TENM2: variants seen among roughly 807,000 people sequenced by gnomAD.
The protein encoded by TENM2 is teneurin transmembrane protein 2.
A neutral mutation model predicts 245.2 loss-of-function variants in TENM2; 52 were observed. The ratio of observed to expected loss-of-function variants is 0.21; its 90% CI spans 0.17 to 0.27. The LOEUF is 0.27. Among genes scored for constraint, TENM2 ranks in the 10% least tolerant of loss-of-function variants. The probability of loss-of-function intolerance (pLI) is 1.00; values close to 1 mark genes in which losing one functional copy is unlikely to be tolerated. For missense variants in TENM2, 3,046 were observed against 3,666.8 expected, an observed-to-expected ratio of 0.83 and a Z score of 4.37; for synonymous variants, 1,363 against 1,438.9, an observed-to-expected ratio of 0.95 and a Z score of 1.19.
intron 12 of TENM2, among the ~76,000 whole-genome samples, chr5:168,131,584 A>ACCC (rs1754584865): frequency 6.6e-6 from 1 of 152,214 alleles, no homozygotes; most frequent in South Asian, 2.1e-4. Flanking sequence ...TTGTCATCAG[A>ACCC]AGTAGACAGG....
intron 2 of TENM2, among the ~76,000 whole-genome samples, chr5:167,802,469 C>T (rs1014642895): frequency 6.6e-6 from 1 of 152,128 alleles, no homozygotes; most frequent in Non-Finnish European, 1.5e-5. Context: ...TGCTAAGAGC[C>T]TAGAATGTGA....
chr5:168,217,073 A>G (rs1763259746), intron 22 of TENM2, among the ~76,000 whole-genome samples, 151 bp downstream of exon 24: 1 of 152,182 alleles, frequency 6.6e-6, no homozygotes. Flanking sequence ...GAGATGAGCT[A>G]AACAGTAAGA....
rs1791705127 is a variant in TENM2 at position 168,078,731 on chromosome 5, G to C, written c.1516-11843G>C. Among the ~76,000 whole-genome samples the C allele has an allele frequency of 2.0e-5, 3 of 152,304 alleles. No homozygotes were observed. In the Middle Eastern group the frequency reaches 0.01, roughly 518 times the overall value. On this transcript the variant is annotated intron_variant, in intron 7 of 28. Coordinates refer to ENST00000518659, the Ensembl canonical transcript of TENM2. ...TTTTTGTCAGGTTTGTCAAAGATCA[G>C]ATGGTTGTAGATGTGTGGTATTATT...
At chr5:168,067,742 C>G (rs971284685) in intron 7 of TENM2, among the ~76,000 whole-genome samples, 2 of 152,138 alleles carry the variant, frequency 1.3e-5, no homozygotes, top group African/African-American at 4.8e-5. Context: ...TCTTGCCACT[C>G]TCTCTTTACC....
At chr5:167,151,822 T>C in the TENM2 span, among the ~76,000 whole-genome samples, 1 of 152,182 alleles carries the variant, frequency 6.6e-6, no homozygotes, top group Non-Finnish European at 1.5e-5. Context: ...TGGCCTGCTT[T>C]TCTTCTTAAA....
the TENM2 span, among the ~76,000 whole-genome samples, chr5:167,257,090 G>A: frequency 6.6e-6 from 1 of 152,004 alleles, no homozygotes; most frequent in African/African-American, 2.4e-5. Flanking sequence ...ACAGAGATGG[G>A]CATCTTTCTA....
chr5:167,227,873 C>T, the TENM2 span, among the ~76,000 whole-genome samples: 1 of 152,158 alleles, frequency 6.6e-6, no homozygotes, highest in Admixed American at 6.5e-5. Flanking sequence ...CTCTTTACAA[C>T]TGAGACATCA....
At chr5:167,630,988 G>A (rs1778830239) in intron 2 of TENM2, among the ~76,000 whole-genome samples, 1 of 152,126 alleles carries the variant, frequency 6.6e-6, no homozygotes. Flanking sequence ...CTCTATTGTA[G>A]GATATATGGT....
At chr5:168,261,765 G>C (rs1470948023) in intron 28 of TENM2, among the ~76,000 whole-genome samples, 1 of 151,764 alleles carries the variant, frequency 6.6e-6, no homozygotes, top group East Asian at 1.9e-4. Context: ...GCCCATGCCA[G>C]CAAAGGGTGA....
At chr5:168,032,667 G>A (rs1436269453) in intron 5 of TENM2, among the ~76,000 whole-genome samples, 1 of 152,188 alleles carries the variant, frequency 6.6e-6, no homozygotes, top group Non-Finnish European at 1.5e-5. Context: ...GGGGAGTTAG[G>A]TCTTATGGTT....
intron 2 of TENM2, among the ~76,000 whole-genome samples, chr5:167,842,325 A>C (rs994578052): frequency 6.6e-6 from 1 of 152,198 alleles, no homozygotes; most frequent in African/African-American, 2.4e-5. Context: ...GCAGTGGCTC[A>C]TGCCTGTAAT....
intron 2 of TENM2, among the ~76,000 whole-genome samples, chr5:167,465,287 C>T (rs76004232): frequency 0.035 from 5,321 of 152,216 alleles, 261 homozygotes; most frequent in African/African-American, 0.11. Flanking sequence ...GTGTGAGATG[C>T]TATTAAAGAT....
At position 168,218,214 on chromosome 5, in the gene TENM2, C is replaced by T. The variant is rs1028811303; in HGVS notation, c.4323C>T (p.Thr1441=). ...AGAACAATGTCATCCTTCGAATCACCGAGAACCACCAAGTCAGCATCATTG... is the reference window on the plus strand; with the variant it reads ...AGAACAATGTCATCCTTCGAATCACTGAGAACCACCAAGTCAGCATCATTG... Residue 1441 remains threonine (T), a synonymous_variant, in exon 23 of 29, where the codon ACC becomes ACT. Coordinates refer to ENST00000518659, the Ensembl canonical transcript of TENM2. The surrounding 1 kb of genome is among the most constrained non-coding windows in gnomAD (Gnocchi z 5.2). 35 of 1,613,806 alleles carry T rather than the reference C, an allele frequency of 2.2e-5. No individual in the cohort carries two copies. Among genetic ancestry groups the T allele is most frequent in the African/African-American group, 5.3e-5 (4 of 74,892 alleles).
At chr5:167,462,598 A>G (rs1403775738) in intron 2 of TENM2, among the ~76,000 whole-genome samples, 1 of 152,024 alleles carries the variant, frequency 6.6e-6, no homozygotes, top group South Asian at 2.1e-4. Context: ...GAGTGGGAAT[A>G]TGATCTTCCC....
intron 14 of TENM2, among the ~76,000 whole-genome samples, chr5:168,193,709 A>C (rs998225650): frequency 6.6e-6 from 1 of 152,238 alleles, no homozygotes; most frequent in Non-Finnish European, 1.5e-5. Flanking sequence ...TTGTTTTCTC[A>C]TCACGAGCAC....
chr5:167,378,119 C>T (rs1321295490), intron 2 of TENM2, among the ~76,000 whole-genome samples: 1 of 151,682 alleles, frequency 6.6e-6, no homozygotes, highest in Non-Finnish European at 1.5e-5. Context: ...TAAAAATCTC[C>T]CTTAAAAAAT....
At chr5:167,931,852 G>A (rs1348832425) in intron 3 of TENM2, among the ~76,000 whole-genome samples, 1 of 152,164 alleles carries the variant, frequency 6.6e-6, no homozygotes, top group East Asian at 1.9e-4. Flanking sequence ...TTGAAGCTGT[G>A]TCTACTTCTG....
chr5:168,226,639 G>A (rs1581689070), intron 24 of TENM2, among the ~76,000 whole-genome samples: 1 of 151,862 alleles, frequency 6.6e-6, no homozygotes, highest in African/African-American at 2.4e-5. Flanking sequence ...TTATTCTCCT[G>A]GCTCACCACT....
chr5:167,343,046 T>A (rs1758223120), intron 1 of TENM2, among the ~76,000 whole-genome samples: 1 of 152,148 alleles, frequency 6.6e-6, no homozygotes, highest in African/African-American at 2.4e-5. Context: ...GACTCCTGGA[T>A]ATCTATGTTA....
Sources: gnomAD v4.1 joint callset for allele counts (sites outside exome capture counted in the v4.1 genomes callset) on GRCh38, gnomAD v4.1.1 for gene constraint, Gnocchi (gnomAD v3.1) non-coding constraint, MANE v1.5 for transcripts, NCBI Gene and HGNC (gene_info 2026-07-23, HGNC 2026-07-21) for gene names.